Variants in CFAP77 observed in about 807,000 individuals in gnomAD.
CFAP77 encodes the protein cilia and flagella associated protein 77.
CFAP77 carries 25 observed loss-of-function variants against 31.1 expected under a neutral mutation model. The ratio of observed to expected loss-of-function variants is 0.80; its 90% CI spans 0.59 to 1.12. CFAP77 has a LOEUF of 1.12. Ranked by LOEUF, CFAP77 falls within the 50% of genes most tolerant of loss-of-function variation. CFAP77 has a pLI of 0.00. For synonymous variants in CFAP77, 151 were observed against 159.9 expected, an observed-to-expected ratio of 0.94 and a Z score of 0.42; for missense variants, 377 against 397.3, an observed-to-expected ratio of 0.95 and a Z score of 0.44.
At chr9:132,413,002 G>A (rs1850036830) in intron 1 of CFAP77, among the ~76,000 whole-genome samples, 1 of 152,124 alleles carries the variant, frequency 6.6e-6, no homozygotes, top group Non-Finnish European at 1.5e-5. Flanking sequence ...CTTTAGGAGG[G>A]TGATTAGAAC....
At chr9:132,437,570 C>T (rs1452456596) in intron 1 of CFAP77, among the ~76,000 whole-genome samples, 5 of 136,128 alleles carry the variant, frequency 3.7e-5, no homozygotes, top group Middle Eastern at 4.1e-3. Flanking sequence ...AGAGCAGTGA[C>T]GCGATCTCGG....
chr9:132,509,860 C>A (rs1852001924), intron 3 of CFAP77, among the ~76,000 whole-genome samples: 1 of 152,202 alleles, frequency 6.6e-6, no homozygotes, highest in Admixed American at 6.5e-5. Flanking sequence ...CCCTTCCACT[C>A]CCAGGAAGCC....
chr9:132,529,838 G>C (rs11243814), intron 3 of CFAP77, among the ~76,000 whole-genome samples: 1,707 of 145,048 alleles, frequency 0.012, 26 homozygotes, highest in African/African-American at 0.037. Context: ...AAAAAAAAAA[G>C]AAAAGAAAAG....
At chr9:132,449,902 G>T (rs573254974) in intron 1 of CFAP77, among the ~76,000 whole-genome samples, 11 of 150,124 alleles carry the variant, frequency 7.3e-5, no homozygotes, top group Non-Finnish European at 1.2e-4. Flanking sequence ...GAGTTTTTTT[G>T]TTTGTTTGTT....
chr9:132,548,670 G>T (rs1852773623), intron 5 of CFAP77, among the ~76,000 whole-genome samples: 1 of 146,530 alleles, frequency 6.8e-6, no homozygotes, highest in Non-Finnish European at 1.5e-5. Context: ...CCAAGCATCT[G>T]TTGGCTGGCG....
intron 1 of CFAP77, among the ~76,000 whole-genome samples, chr9:132,439,781 G>A (rs1029357146): frequency 7.9e-5 from 12 of 151,006 alleles, no homozygotes; most frequent in Non-Finnish European, 1.8e-4. Flanking sequence ...CCCGGGAGGC[G>A]GAGCTTGTAG....
At chr9:132,515,013 A>T (rs1269931478) in intron 3 of CFAP77, among the ~76,000 whole-genome samples, 1 of 152,142 alleles carries the variant, frequency 6.6e-6, no homozygotes, top group Non-Finnish European at 1.5e-5. Context: ...GGGGGCCAGC[A>T]AGTGGAGGGT....
At chr9:132,463,565 G>A (rs2131728245) in intron 1 of CFAP77, among the ~76,000 whole-genome samples, 1 of 152,342 alleles carries the variant, frequency 6.6e-6, no homozygotes, top group Non-Finnish European at 1.5e-5. Flanking sequence ...GTTACTCACA[G>A]TAGAGGAGGG....
intron 1 of CFAP77, among the ~76,000 whole-genome samples, chr9:132,470,575 T>C (rs1851237592): frequency 6.6e-6 from 1 of 152,216 alleles, no homozygotes; most frequent in Non-Finnish European, 1.5e-5. Flanking sequence ...TATTCTTTTT[T>C]TGAGAAAGAA....
chr9:132,563,708 C>G (rs1251383630), intron 5 of CFAP77, among the ~76,000 whole-genome samples: 1 of 152,186 alleles, frequency 6.6e-6, no homozygotes, highest in Non-Finnish European at 1.5e-5. Context: ...CCAAGTCTCT[C>G]TAAAGAGGTT....
intron 1 of CFAP77, among the ~76,000 whole-genome samples, chr9:132,426,646 C>T (rs1050069279): frequency 6.6e-6 from 1 of 152,190 alleles, no homozygotes; most frequent in Non-Finnish European, 1.5e-5. Flanking sequence ...AAAGCAGCAA[C>T]GGAACCTGAG....
At chr9:132,454,198 C>G (rs1309693074) in intron 1 of CFAP77, among the ~76,000 whole-genome samples, 1 of 151,958 alleles carries the variant, frequency 6.6e-6, no homozygotes, top group African/African-American at 2.4e-5. Flanking sequence ...CTAGTTATTA[C>G]TGCAGTATCT....
chr9:132,572,458 A>G lies in CFAP77; in HGVS notation c.803A>G (p.Glu268Gly). The G allele has an allele frequency of 6.2e-7, 1 of 1,611,730 alleles. No homozygotes were observed. The highest frequency in any genetic ancestry group is 8.5e-7 in the Non-Finnish European group (1 of 1,179,942). The change falls in exon 6 of 6, where the codon GAG becomes GGG. Residue 268 changes from glutamate to glycine, a missense_variant. Glu to Gly is a moderately conservative substitution (Grantham distance 98, BLOSUM62 -2). Transcript: ENST00000393216. ...AGAGCATTAAAAGCCCACCGGGAAG[A>G]GTGTGCCGTGCGCCAGGGGACCCTG... ...RQRALKAHRE[E>G]CAVRQGTLRM...
intron 5 of CFAP77, among the ~76,000 whole-genome samples, chr9:132,546,572 G>A (rs866416516): frequency 6.6e-6 from 1 of 152,254 alleles, no homozygotes; most frequent in Non-Finnish European, 1.5e-5. Flanking sequence ...CGCCAGCCAC[G>A]AGGGGGCTGC....
At chr9:132,470,342 A>C (rs1037357766) in intron 1 of CFAP77, among the ~76,000 whole-genome samples, 1 of 152,174 alleles carries the variant, frequency 6.6e-6, no homozygotes, top group Non-Finnish European at 1.5e-5. Context: ...GAGGCTCAGC[A>C]GGTTGCGCCT....
chr9:132,514,519 G>A (rs556582483), intron 3 of CFAP77, among the ~76,000 whole-genome samples: 1 of 152,172 alleles, frequency 6.6e-6, no homozygotes, highest in Non-Finnish European at 1.5e-5. Flanking sequence ...CCCCTGCCCA[G>A]TCGGTTTCTG....
At chr9:132,489,275 G>T (rs2118933080) in intron 1 of CFAP77, among the ~76,000 whole-genome samples, 1 of 152,272 alleles carries the variant, frequency 6.6e-6, no homozygotes, top group Non-Finnish European at 1.5e-5. Context: ...GGGCTGAAAG[G>T]GGTCTCTTCT....
At chr9:132,506,432 G>A (rs1043844032) in intron 3 of CFAP77, among the ~76,000 whole-genome samples, 1 of 152,138 alleles carries the variant, frequency 6.6e-6, no homozygotes, top group Admixed American at 6.5e-5. Flanking sequence ...TGTCGATTAT[G>A]ATGAGTCAGG....
intron 5 of CFAP77, among the ~76,000 whole-genome samples, chr9:132,543,911 T>A (rs967109317): frequency 6.6e-6 from 1 of 151,968 alleles, no homozygotes; most frequent in Non-Finnish European, 1.5e-5. Flanking sequence ...AGTGGGAGAT[T>A]TGGGAACAGT....
Sources: gnomAD v4.1 joint callset for allele counts (sites outside exome capture counted in the v4.1 genomes callset) on GRCh38, gnomAD v4.1.1 for gene constraint, MANE v1.5 for transcripts, NCBI Gene and HGNC (gene_info 2026-07-23, HGNC 2026-07-21) for gene names.